FAM120B: variants seen among roughly 807,000 people sequenced by gnomAD.
The protein encoded by FAM120B is constitutive coactivator of peroxisome proliferator-activated receptor gamma.
In FAM120B, 83 loss-of-function variants were observed where a neutral mutation model predicts 96.3. The ratio of observed to expected loss-of-function variants is 0.86; its 90% CI spans 0.72 to 1.03. The LOEUF is 1.03. Among genes scored for constraint, FAM120B ranks in the 50% least tolerant of loss-of-function variants. The pLI is 0.00. For missense variants in FAM120B, 1,027 were observed against 1,121.2 expected (o/e 0.92, Z 1.20); for synonymous variants, 407 against 402.7 (o/e 1.01, Z -0.13).
chr6:170,376,634 A>G (rs535764123), intron 6 of FAM120B, among the ~76,000 whole-genome samples: 1 of 152,284 alleles, frequency 6.6e-6, no homozygotes, highest in Non-Finnish European at 1.5e-5. Flanking sequence ...CCTTGTTGAG[A>G]ACAATTCCAG....
intron 7 of FAM120B, among the ~76,000 whole-genome samples, chr6:170,390,022 C>G (rs987789611): frequency 1.7e-4 from 26 of 152,230 alleles, no homozygotes; most frequent in African/African-American, 5.3e-4. Context: ...TTAATAAATA[C>G]AATCGCTACA....
intron 6 of FAM120B, among the ~76,000 whole-genome samples, chr6:170,368,748 A>G (rs1788962599): frequency 7.6e-6 from 1 of 131,872 alleles, no homozygotes; most frequent in African/African-American, 2.9e-5. Context: ...AACCACAGAC[A>G]TTCCCTTCTC....
At chr6:170,320,609 GAGA>G (rs1384745566) in intron 2 of FAM120B, among the ~76,000 whole-genome samples, 2 of 152,220 alleles carry the variant, frequency 1.3e-5, no homozygotes, top group African/African-American at 4.8e-5. Flanking sequence ...GTTTTACAGG[GAGA>G]AGAAGATTAA....
rs1020034779 is a variant in FAM120B at position 170,370,397 on chromosome 6, C to CT, written c.2283+12080dup. Among the ~76,000 whole-genome samples, 1 of 152,194 alleles carries CT rather than the reference C, an allele frequency of 6.6e-6. No individual in the cohort carries two copies. The highest frequency in any genetic ancestry group is 2.4e-5 in the African/African-American group (1 of 41,444). Reference sequence around the variant, plus strand: ...CACCTGAGGGTCCATCACCCTTCCTCTGGGGGGTGAGGCAGAGGACCCTGT... The same window carrying CT: ...CACCTGAGGGTCCATCACCCTTCCTCTTGGGGGGTGAGGCAGAGGACCCTGT... On this transcript the variant is annotated intron_variant, in intron 6 of 10. Coordinates refer to ENST00000476287, the MANE Select transcript of FAM120B (RefSeq NM_032448.3). This position sits in a 1 kb window ranked among gnomAD's most constrained non-coding sequence, Gnocchi z 4.3.
chr6:170,300,594 T>C (rs1784119962), intron 1 of FAM120B, among the ~76,000 whole-genome samples: 1 of 152,158 alleles, frequency 6.6e-6, no homozygotes, highest in South Asian at 2.1e-4. Flanking sequence ...CCAAAGTGTC[T>C]GAAACAAGAC....
intron 6 of FAM120B, among the ~76,000 whole-genome samples, chr6:170,386,077 C>G (rs139835230): frequency 5.3e-5 from 8 of 152,256 alleles, no homozygotes; most frequent in Non-Finnish European, 1.0e-4. Context: ...TCCAAACTCG[C>G]AGAATGTACA....
chr6:170,291,679 G>T (rs975337765), upstream of FAM120B, among the ~76,000 whole-genome samples: 3 of 152,160 alleles, frequency 2.0e-5, no homozygotes, highest in Non-Finnish European at 2.9e-5. Context: ...ACTGAGCCTC[G>T]GGGAGTGCAG....
At chr6:170,303,038 C>A (rs542090805), upstream of FAM120B, among the ~76,000 whole-genome samples, 2 of 152,326 alleles carry the variant, frequency 1.3e-5, no homozygotes, top group Non-Finnish European at 2.9e-5. Context: ...CTTACTACCA[C>A]TTGTATTAGT....
At chr6:170,372,659 G>A (rs3734766) in intron 6 of FAM120B, among the ~76,000 whole-genome samples, 43,793 of 151,948 alleles carry the variant, frequency 0.29, 7,453 homozygotes, top group East Asian at 0.79. Context: ...TGGGTTGGTG[G>A]GTTCTGCCCT....
At chr6:170,383,588 CAGTG>C (rs1256048128) in intron 6 of FAM120B, among the ~76,000 whole-genome samples, 2 of 152,190 alleles carry the variant, frequency 1.3e-5, no homozygotes, top group African/African-American at 2.4e-5. Context: ...ATTAAAACCA[CAGTG>C]AGATAGCACT....
Position 170,295,466 on chromosome 6 carries a change from C to T in FAM120B, c.48+13C>T, listed in dbSNP as rs777999430. 5.7e-6 allele frequency: 4 copies of T among 699,236 alleles called. No homozygotes were observed. Among genetic ancestry groups the T allele is most frequent in the South Asian group, 4.5e-5 (3 of 67,128 alleles). 43.3% of individuals were successfully genotyped at this position (699,236 alleles called of 1,614,324 possible). On this transcript the variant is annotated intron_variant, in intron 1 of 10. Coordinates refer to the FAM120B transcript ENST00000537664. The surrounding 1 kb of genome is among the most constrained non-coding windows in gnomAD (Gnocchi z 7.8). ...AGGCAGGAAGGAGGTGAGCGCCGCC[C>T]GCGTGCACACAAGGCGCGCGGCCCC...
At position 170,323,082 on chromosome 6, in the gene FAM120B, G is replaced by T. The variant is rs1785396680; in HGVS notation, c.1738G>T (p.Ala580Ser). The change falls in exon 3 of 11, where the codon GCT becomes TCT. Residue 580 changes from alanine to serine, a missense_variant. Ala to Ser is a moderately conservative substitution (Grantham distance 99, BLOSUM62 1). Transcript: ENST00000476287. ...GTTGTATTTAAATTTCAAACAGGTT[G>T]CTAGAACACATCACGTCCAAGCAGA... ...MVSDTEILKV[A>S]RTHHVQAESY... 2 of 1,608,944 alleles carry T rather than the reference G, an allele frequency of 1.2e-6. No individual in the cohort carries two copies. The highest frequency in any genetic ancestry group is 4.5e-5 in the East Asian group (2 of 44,502).
intron 1 of FAM120B, among the ~76,000 whole-genome samples, chr6:170,296,749 C>CCG (rs1203517335): frequency 6.6e-6 from 1 of 152,110 alleles, no homozygotes; most frequent in Non-Finnish European, 1.5e-5. Context: ...GCTGCAGGAG[C>CCG]CCGCGCGGGG....
At chr6:170,390,977 C>A in intron 7 of FAM120B, 36 bp from the exon 8 acceptor site, 1 of 1,563,414 alleles carries the variant, frequency 6.4e-7, no homozygotes, top group Non-Finnish European at 8.8e-7. Flanking sequence ...CCACATCTGG[C>A]CCCTCACATC....
At chr6:170,320,324 C>A (rs1785203467) in intron 2 of FAM120B, among the ~76,000 whole-genome samples, 3 of 152,154 alleles carry the variant, frequency 2.0e-5, no homozygotes, top group Admixed American at 2.0e-4. Context: ...AGCCAACCAG[C>A]ATTCGATTTT....
At chr6:170,369,675 G>A (rs1241721967) in intron 6 of FAM120B, among the ~76,000 whole-genome samples, 1 of 150,870 alleles carries the variant, frequency 6.6e-6, no homozygotes, top group Non-Finnish European at 1.5e-5. Context: ...CTTTGCCTCA[G>A]CAAACTTAGG....
chr6:170,368,698 TG>T, intron 6 of FAM120B, among the ~76,000 whole-genome samples: 1 of 151,786 alleles, frequency 6.6e-6, no homozygotes, highest in South Asian at 2.1e-4. Context: ...CTGGTCAGTT[TG>T]GGCTGCCATA....
intron 1 of FAM120B, among the ~76,000 whole-genome samples, chr6:170,300,974 G>A (rs751997616): frequency 7.2e-5 from 11 of 152,192 alleles, no homozygotes; most frequent in Non-Finnish European, 1.6e-4. Context: ...GCTGTTGGTG[G>A]ATCTACCATT....
chr6:170,315,776 G>C (rs1399125823), intron 1 of FAM120B, among the ~76,000 whole-genome samples: 1 of 152,032 alleles, frequency 6.6e-6, no homozygotes, highest in Non-Finnish European at 1.5e-5. Flanking sequence ...TTAGGGGCTA[G>C]AGCCCATTAA....
Sources: gnomAD v4.1 joint callset for allele counts (sites outside exome capture counted in the v4.1 genomes callset) on GRCh38, gnomAD v4.1.1 for gene constraint, Gnocchi (gnomAD v3.1) non-coding constraint, MANE v1.5 for transcripts, NCBI Gene and HGNC (gene_info 2026-07-23, HGNC 2026-07-21) for gene names.